RBSN: variants seen among roughly 807,000 people sequenced by gnomAD.
RBSN encodes rabenosyn-5.
A neutral mutation model predicts 60.5 loss-of-function variants in RBSN; 34 were observed. That is an observed-to-expected ratio of 0.56 (90% CI 0.43 to 0.75). The LOEUF (loss-of-function observed/expected upper bound fraction) is 0.75, where lower values mean the gene tolerates loss of function less well. Ranked by LOEUF, RBSN falls within the 30% of genes least tolerant of loss-of-function variation. The pLI, the probability that RBSN is intolerant of heterozygous loss-of-function variation, is 0.00. For missense variants in RBSN, 845 were observed against 986.8 expected (o/e 0.86, Z 1.92); for synonymous variants, 322 against 366.9 (o/e 0.88, Z 1.40).
Position 15,077,221 on chromosome 3 carries a change from T to C in RBSN, c.999-57A>G. The C allele has an allele frequency of 6.8e-7, 1 of 1,462,570 alleles. No homozygotes were observed. Among genetic ancestry groups the C allele is most frequent in the Non-Finnish European group, 9.6e-7 (1 of 1,042,876 alleles). The allele number at this position is 1,462,570 out of a possible 1,614,324, so 90.6% of individuals were successfully genotyped here. On this transcript the variant is annotated intron_variant, in intron 11 of 13. Transcript: ENST00000253699. This position sits in a 1 kb window ranked among gnomAD's most constrained non-coding sequence, Gnocchi z 4.4. ...GCACTGCCAGCTTCAGAAACAAGGG[T>C]GAAAAGTATAACATCTGGAGTTGCC... is the stretch of plus-strand genomic sequence containing the variant.
intron 5 of RBSN, among the ~76,000 whole-genome samples, chr3:15,088,683 T>C (rs554624210): frequency 2.0e-5 from 3 of 152,278 alleles, no homozygotes; most frequent in African/African-American, 7.2e-5. Flanking sequence ...CCCGGCTGTA[T>C]AGTATTATTT....
chr3:15,095,976 T>C lies in RBSN; in HGVS notation c.145A>G (p.Lys49Glu). 1.2e-6 allele frequency: 2 copies of C among 1,614,256 alleles called. No homozygotes were observed. Among genetic ancestry groups the C allele is most frequent in the Non-Finnish European group, 1.7e-6 (2 of 1,180,044 alleles). The change falls in exon 4 of 14, where the codon AAA becomes GAA. Residue 49 changes from lysine to glutamate, a missense_variant. Lys to Glu is a moderately conservative substitution (Grantham distance 56). Transcript: ENST00000253699. ...GEDRDVKGQI[K>E]SLVQKAKKAK... ...AGGCAAGGTCCTCGCCTCTTACTTT[T>C]AATTTGCCCTTTGACATCACGGTCT... is the stretch of plus-strand genomic sequence containing the variant.
rs2042969102 is a variant in RBSN at position 15,073,607 on chromosome 3, A to C, written c.*175T>G. The stretch of plus-strand genomic sequence containing the variant: ...GTTCTAGTTTCTATTTTATTATTCA[A>C]CTGTAGTGGAAATACCTCAAAGTGC... On this transcript the variant is annotated 3_prime_UTR_variant, in exon 14 of 14. Coordinates refer to ENST00000253699, the MANE Select transcript of RBSN (RefSeq NM_022340.4). The C allele has an allele frequency of 1.7e-6, 1 of 571,960 alleles. No homozygotes were observed. Among genetic ancestry groups the C allele is most frequent in the African/African-American group, 1.9e-5 (1 of 53,266 alleles). The allele number at this position is 571,960 out of a possible 1,614,324, so 35.4% of individuals were successfully genotyped here.
At chr3:15,087,474 C>T (rs1191846027) in intron 5 of RBSN, among the ~76,000 whole-genome samples, 2 of 152,194 alleles carry the variant, frequency 1.3e-5, no homozygotes, top group African/African-American at 4.8e-5. Flanking sequence ...CACAGCAGCA[C>T]ACTTGAGCCT....
rs756985052 is a variant in RBSN at position 15,080,765 on chromosome 3, G to C, written c.878C>G (p.Ala293Gly). Residue 293 changes from alanine (A) to glycine (G), a missense_variant, in exon 10 of 14, where the codon GCT (alanine) becomes GGT (glycine). Physicochemically the swap from Ala to Gly is moderately conservative, Grantham distance 60. Coordinates refer to ENST00000253699, the MANE Select transcript of RBSN (RefSeq NM_022340.4). ...TGCTGCCATCCTGATGTATTCTGGA[G>C]CTTTCTGGTCAACTTTCTCCATGCA... ...RLCMEKVDQK[A>G]PEYIRMAASL... 10 of 1,614,030 alleles carry C rather than the reference G, an allele frequency of 6.2e-6. No individual in the cohort carries two copies. The Admixed American group carries it at 1.5e-4, about 24-fold the overall frequency.
chr3:15,088,571 G>A (rs939424969), intron 5 of RBSN, among the ~76,000 whole-genome samples: 27 of 151,860 alleles, frequency 1.8e-4, no homozygotes, highest in Admixed American at 2.0e-4. Context: ...TAGTAGAGAC[G>A]GGGTTTCACC....
Position 15,070,085 on chromosome 3 carries a change from TTTTA to T in RBSN, c.*3693_*3696del, listed in dbSNP as rs1407072988. ...ACACACCCCCAACCTCTATCTCAGA[TTTTA>T]TTTTTTTTAAAAAAGGCTCCAATAC... is the stretch of plus-strand genomic sequence containing the variant. On this transcript the variant is annotated 3_prime_UTR_variant, in exon 14 of 14. Coordinates refer to ENST00000253699, the MANE Select transcript of RBSN (RefSeq NM_022340.4). The T allele has an allele frequency of 6.6e-6, 1 of 151,074 alleles. No homozygotes were observed. Among genetic ancestry groups the T allele is most frequent in the African/African-American group, 2.4e-5 (1 of 41,310 alleles). 9.4% of individuals were successfully genotyped at this position (151,074 alleles called of 1,614,324 possible).
chr3:15,075,705 C>T lies in RBSN; in HGVS notation c.1107G>A (p.Lys369=), dbSNP rs547665880. ...RYSATLFVQE[K]LLGLMSLPTK... ...TTGGCAGTGACATCAAACCAAGCAACTTTTCCTGCAGGGAGTGACAGACAA... is the reference window on the plus strand; with the variant it reads ...TTGGCAGTGACATCAAACCAAGCAATTTTTCCTGCAGGGAGTGACAGACAA... The change falls in exon 13 of 14, where the codon AAG becomes AAA. Residue 369 remains lysine, a synonymous_variant. Transcript: ENST00000253699. The T allele has an allele frequency of 6.2e-7, 1 of 1,614,034 alleles. No individual in the cohort carries two copies. Among genetic ancestry groups the T allele is most frequent in the Admixed American group, 1.7e-5 (1 of 60,016 alleles).
chr3:15,096,976 C>T lies in RBSN; in HGVS notation c.-344-266G>A, dbSNP rs1361194542. 2.0e-5 allele frequency among the ~76,000 whole-genome samples: 3 copies of T among 152,268 alleles called. No individual in the cohort carries two copies. In the East Asian group the frequency reaches 5.8e-4, roughly 29 times the overall value. On this transcript the variant is annotated intron_variant, in intron 2 of 13. Coordinates refer to ENST00000253699, the MANE Select transcript of RBSN (RefSeq NM_022340.4). Reference sequence around the variant, plus strand: ...CTCGGTTCAAGTGATCCTCCTGCCTCAGCCTCCTAAGAAGCTGGGACTACA... The same window carrying T: ...CTCGGTTCAAGTGATCCTCCTGCCTTAGCCTCCTAAGAAGCTGGGACTACA...
chr3:15,091,417 T>C, intron 4 of RBSN: 1 of 1,256,844 alleles, frequency 8.0e-7, no homozygotes, highest in South Asian at 1.3e-5. Context: ...GAGTTCTTGC[T>C]TCCCCACTAC....
chr3:15,097,647 A>C (rs2043696968), intron 2 of RBSN, among the ~76,000 whole-genome samples: 1 of 152,180 alleles, frequency 6.6e-6, no homozygotes, highest in Admixed American at 6.6e-5. Flanking sequence ...TCATCAAGAC[A>C]CCCAGTCACA....
rs9876095 is a variant in RBSN, at chr3:15,084,140, T to C, written c.598+595A>G. Among the ~76,000 whole-genome samples the C allele has an allele frequency of 0.053, 8,047 of 152,276 alleles. 254 individuals carry two copies. The highest frequency in any genetic ancestry group is 0.13 in the East Asian group (654 of 5,178). On this transcript the variant is annotated intron_variant, in intron 8 of 13. Transcript: ENST00000253699. The surrounding 1 kb of genome is among the most constrained non-coding windows in gnomAD (Gnocchi z 4.2). ...ATTTTATTTATTTATTTTTTTGAGA[T>C]GGGAGTCTCGCTCGGTCACCCAGGC...
At chr3:15,092,766 G>T (rs893407308) in intron 4 of RBSN, among the ~76,000 whole-genome samples, 1 of 152,058 alleles carries the variant, frequency 6.6e-6, no homozygotes, top group African/African-American at 2.4e-5. Context: ...GTGAACAAAG[G>T]GTCTAGCAAA....
In RBSN at chr3:15,072,089, T is replaced by C. The variant is rs149557756; in HGVS notation, c.*1693A>G. ...ACATTTCAGTTTCTCAATACTAACA[T>C]TGGTAATAAAATATCTCATCAGGGC... is the stretch of plus-strand genomic sequence containing the variant. On this transcript the variant is annotated 3_prime_UTR_variant, in exon 14 of 14. Transcript: ENST00000253699. 3.1e-4 allele frequency: 47 copies of C among 152,822 alleles called. No individual in the cohort carries two copies. Among genetic ancestry groups the C allele is most frequent in the African/African-American group, 7.7e-4 (32 of 41,596 alleles). The allele number at this position is 152,822 out of a possible 1,614,324, so 9.5% of individuals were successfully genotyped here.
intron 4 of RBSN, among the ~76,000 whole-genome samples, chr3:15,095,013 C>T (rs1326191083): frequency 2.0e-5 from 3 of 148,324 alleles, no homozygotes; most frequent in South Asian, 2.2e-4. Flanking sequence ...GCATCTTTGG[C>T]GTGTGTGTGT....
In RBSN at chr3:15,074,602, G is replaced by C; in HGVS notation, c.1535C>G (p.Ala512Gly). The change falls in exon 14 of 14, where the codon GCT (alanine) becomes GGT (glycine). Residue 512 changes from alanine to glycine, a missense_variant. Coordinates refer to ENST00000253699, the MANE Select transcript of RBSN (RefSeq NM_022340.4). The surrounding 1 kb of genome is among the most constrained non-coding windows in gnomAD (Gnocchi z 6.4). ...EKAIELSRRQ[A>G]EEEDLQREQL... is the part of the protein sequence containing the mutation. ...TTCCCGCTGCAGGTCCTCCTCCTCA[G>C]CCTGCCTCCGGGACAGCTCGATGGC... The C allele has an allele frequency of 6.2e-7, 1 of 1,614,264 alleles. No individual in the cohort carries two copies. Among genetic ancestry groups the C allele is most frequent in the South Asian group, 1.1e-5 (1 of 91,092 alleles).
intron 5 of RBSN, among the ~76,000 whole-genome samples, chr3:15,088,646 C>T (rs1403521688): frequency 6.6e-6 from 1 of 152,132 alleles, no homozygotes; most frequent in East Asian, 1.9e-4. Flanking sequence ...TCCCAAAGTG[C>T]TGGGATTACA....
rs368811968 is a variant in RBSN at position 15,090,495 on chromosome 3, G to A, written c.193C>T (p.Arg65Ter). Reference sequence around the variant, plus strand: ...GACTCTGCTCGATCATCCCCTTCTCGTTTCAACAACCTGTCCTTTGCTTTT... The same window carrying A: ...GACTCTGCTCGATCATCCCCTTCTCATTTCAACAACCTGTCCTTTGCTTTT... ...AKKAKDRLLK[R>*]EGDDRAESGT... Residue 65 changes from arginine (R) to a stop codon, truncating the protein, a stop_gained, in exon 5 of 14, where the codon CGA (arginine) becomes TGA (stop). Transcript: ENST00000253699. LOFTEE classifies it high-confidence loss of function. 5.6e-6 allele frequency: 9 copies of A among 1,614,106 alleles called. No homozygotes were observed. The highest frequency in any genetic ancestry group is 1.3e-5 in the African/African-American group (1 of 75,028).
chr3:15,070,576 G>C lies in RBSN; in HGVS notation c.*3206C>G, dbSNP rs1416392939. The C allele has an allele frequency of 6.6e-6, 1 of 152,616 alleles. No homozygotes were observed. The highest frequency in any genetic ancestry group is 2.4e-5 in the African/African-American group (1 of 41,430). The allele number at this position is 152,616 out of a possible 1,614,324, so 9.5% of individuals were successfully genotyped here. On this transcript the variant is annotated 3_prime_UTR_variant, in exon 14 of 14. Transcript: ENST00000253699. ...TCACATGAGGTAAGAACTTGAAGTT[G>C]TGGTTATAATACATAGGCCAAGTTT...
Sources: allele counts gnomAD v4.1 joint callset (sites outside exome capture counted in the v4.1 genomes callset), GRCh38; gene constraint gnomAD v4.1.1; non-coding constraint Gnocchi (gnomAD v3.1); transcripts MANE v1.5; gene names NCBI Gene and HGNC (gene_info 2026-07-23, HGNC 2026-07-21).